SHROOM2: variants seen among roughly 807,000 people sequenced by gnomAD.
The protein encoded by SHROOM2 is protein Shroom2.
A neutral mutation model predicts 75.9 loss-of-function variants in SHROOM2; 33 were observed. That is an observed-to-expected ratio of 0.43 (90% CI 0.33 to 0.58). The LOEUF (loss-of-function observed/expected upper bound fraction) is 0.58, where lower values mean the gene tolerates loss of function less well. Ranked by LOEUF, SHROOM2 falls within the 20% of genes least tolerant of loss-of-function variation. The pLI is 0.04. For synonymous variants in SHROOM2, 655 were observed against 663.6 expected, an observed-to-expected ratio of 0.99 and a Z score of 0.20; for missense variants, 1,434 against 1,461.2, an observed-to-expected ratio of 0.98 and a Z score of 0.30.
chrX:9,857,898 A>G (rs985502153), intron 1 of SHROOM2, among the ~76,000 whole-genome samples: 7 of 110,834 alleles, frequency 6.3e-5, no homozygotes, highest in Admixed American at 2.9e-4. Context: ...CTGTCCCTTC[A>G]CCACAATGCC....
In SHROOM2 at chrX:9,932,247, C is replaced by A; in HGVS notation, c.2964C>A (p.Asn988Lys). The change falls in exon 6 of 10, where the codon AAC (asparagine) becomes AAA (lysine). Residue 988 changes from asparagine (N) to lysine (K), a missense_variant. By Grantham distance (94) the Asn-to-Lys change is moderately conservative. Transcript: ENST00000380913. ...QQHPPSQKAP[N>K]PPTFSELSHC... Reference sequence around the variant, plus strand: ...ACCCACCGAGTCAGAAGGCACCGAACCCACCCACATTCTCTGAACTATCTC... The same window carrying A: ...ACCCACCGAGTCAGAAGGCACCGAAACCACCCACATTCTCTGAACTATCTC... 8.5e-7 allele frequency: 1 copy of A among 1,180,722 alleles called. No individual in the cohort carries two copies. Among genetic ancestry groups the A allele is most frequent in the Non-Finnish European group, 1.1e-6 (1 of 878,158 alleles).
At chrX:9,881,533 C>T (rs183514001) in intron 2 of SHROOM2, among the ~76,000 whole-genome samples, 1 of 111,960 alleles carries the variant, frequency 8.9e-6, no homozygotes, top group East Asian at 2.8e-4. Context: ...ACCATAGTGA[C>T]CACATGTGCA....
At chrX:9,878,841 A>C (rs895614241) in intron 2 of SHROOM2, among the ~76,000 whole-genome samples, 1 of 109,680 alleles carries the variant, frequency 9.1e-6, no homozygotes, top group Non-Finnish European at 1.9e-5. Context: ...CGTCAGGTGA[A>C]ACCCATGCCT....
intron 1 of SHROOM2, among the ~76,000 whole-genome samples, chrX:9,827,223 C>CTTTTTTCT (rs1555924845): frequency 5.0e-5 from 3 of 60,132 alleles, no homozygotes; most frequent in Middle Eastern, 0.014. Flanking sequence ...TTTTCTTTTT[C>CTTTTTTCT]TTTTTTTTTT....
intron 1 of SHROOM2, among the ~76,000 whole-genome samples, chrX:9,793,110 G>T (rs368710682): frequency 7.2e-5 from 8 of 111,519 alleles, no homozygotes; most frequent in African/African-American, 2.6e-4. Context: ...ATATGCTACT[G>T]GTCATTTGGC....
chrX:9,833,644 GTGCA>G (rs1248926277), intron 1 of SHROOM2, among the ~76,000 whole-genome samples: 4 of 107,961 alleles, frequency 3.7e-5, no homozygotes, highest in African/African-American at 6.9e-5. Flanking sequence ...GTGTGTGTGT[GTGCA>G]TGCACGTGCA....
intron 3 of SHROOM2, among the ~76,000 whole-genome samples, chrX:9,893,868 C>A (rs761500030): frequency 3.0e-4 from 32 of 108,063 alleles, no homozygotes; most frequent in Non-Finnish European, 5.2e-4. Flanking sequence ...GCAGGAGAAT[C>A]GCTTGAACCC....
chrX:9,934,841 G>A lies in SHROOM2; in HGVS notation c.3587+1971G>A, dbSNP rs2084684806. ...ATTATTCCCTGTCGCCCAGGCTGGA[G>A]TGCAGTGGTGCGATCTTGACTTTTG... On this transcript the variant is annotated intron_variant, in intron 6 of 9. Coordinates refer to ENST00000380913, the MANE Select transcript of SHROOM2 (RefSeq NM_001649.4). 2.7e-5 allele frequency among the ~76,000 whole-genome samples: 3 copies of A among 111,355 alleles called. No individual in the cohort carries two copies. The South Asian group carries it at 1.1e-3, about 42-fold the overall frequency.
chrX:9,933,012 G>C, intron 6 of SHROOM2, 142 bp downstream of exon 6: 1 of 487,617 alleles, frequency 2.1e-6, no homozygotes, highest in African/African-American at 2.4e-5. Context: ...GGGAATAACT[G>C]TGTGGACAGA....
At chrX:9,882,304 A>G (rs1039078203) in intron 2 of SHROOM2, among the ~76,000 whole-genome samples, 1 of 108,419 alleles carries the variant, frequency 9.2e-6, no homozygotes, top group African/African-American at 3.5e-5. Context: ...ATATAAAACG[A>G]GTCATATTAA....
intron 1 of SHROOM2, among the ~76,000 whole-genome samples, chrX:9,792,640 A>AC (rs2083673225): frequency 9.1e-6 from 1 of 110,168 alleles, no homozygotes; most frequent in Non-Finnish European, 1.9e-5. Flanking sequence ...GTTGAGGTCA[A>AC]CAAGAACCCA....
intron 1 of SHROOM2, among the ~76,000 whole-genome samples, chrX:9,816,874 G>T (rs762719298): frequency 8.9e-6 from 1 of 111,940 alleles, no homozygotes; most frequent in Admixed American, 9.5e-5. Flanking sequence ...GCTATAGGGG[G>T]ATCCCTCAAC....
chrX:9,891,897 G>A (rs1004391801), intron 3 of SHROOM2, among the ~76,000 whole-genome samples: 1 of 109,105 alleles, frequency 9.2e-6, no homozygotes. Flanking sequence ...GTGTGTGCGC[G>A]TGCGTGCACA....
chrX:9,868,028 C>T (rs2084149966), intron 1 of SHROOM2, among the ~76,000 whole-genome samples: 1 of 109,495 alleles, frequency 9.1e-6, no homozygotes, highest in Non-Finnish European at 1.9e-5. Flanking sequence ...CACATTCCCA[C>T]CGAAAACCCC....
Position 9,896,089 on chromosome X carries a change from C to A in SHROOM2, c.2181C>A (p.Phe727Leu). 8.3e-7 allele frequency: 1 copy of A among 1,210,296 alleles called. No individual in the cohort carries two copies. Residue 727 changes from phenylalanine (F) to leucine (L), a missense_variant, in exon 4 of 10, where the codon TTC becomes TTA. Coordinates refer to ENST00000380913, the MANE Select transcript of SHROOM2 (RefSeq NM_001649.4). ...RMGDPDTVPH[F>L]WEAGLAQPPS... ...GGGATCCAGACACTGTCCCCCACTT[C>A]TGGGAGGCAGGCCTGGCCCAGCCAC...
At position 9,797,297 on chromosome X, in the gene SHROOM2, G is replaced by A. The variant is rs1043963918; in HGVS notation, c.165+10587G>A. ...TGGCCGCAGGGCAGAGTTCATCAGCGTGGATCCCTGAATGACTGCAGAGGT... is the reference window on the plus strand; with the variant it reads ...TGGCCGCAGGGCAGAGTTCATCAGCATGGATCCCTGAATGACTGCAGAGGT... On this transcript the variant is annotated intron_variant, in intron 1 of 9. Coordinates refer to ENST00000380913, the MANE Select transcript of SHROOM2 (RefSeq NM_001649.4). 3.6e-5 allele frequency among the ~76,000 whole-genome samples: 4 copies of A among 112,575 alleles called. No individual in the cohort carries two copies. The East Asian group carries it at 1.1e-3, about 32-fold the overall frequency.
rs773601238 is a variant in SHROOM2, at chrX:9,897,961, A to G, written c.2791-229A>G. ...TGTAATTTGTGACCAGCTGTATTTT[A>G]TTTTATTTCTTTTGGCCAATTGTGC... On this transcript the variant is annotated intron_variant, in intron 4 of 9. Transcript: ENST00000380913. 9.8e-5 allele frequency among the ~76,000 whole-genome samples: 11 copies of G among 112,347 alleles called. No individual in the cohort carries two copies. The South Asian group carries it at 4.0e-3, about 41-fold the overall frequency.
rs746708561 is a variant in SHROOM2, at chrX:9,827,700, A to C, written c.165+40990A>C. Among the ~76,000 whole-genome samples, 3 of 109,802 alleles carry C rather than the reference A, an allele frequency of 2.7e-5. No homozygotes were observed. In the South Asian group the frequency reaches 1.2e-3, roughly 44 times the overall value. ...AATGCACTCTCCTGCCTTGGGGAGC[A>C]GGGAGACCAATAGACCCAAGCAGTT... On this transcript the variant is annotated intron_variant, in intron 1 of 9. Transcript: ENST00000380913.
chrX:9,907,585 C>G (rs777455629), intron 5 of SHROOM2, among the ~76,000 whole-genome samples: 10 of 111,531 alleles, frequency 9.0e-5, no homozygotes, highest in African/African-American at 2.9e-4. Context: ...CACTTGGAAA[C>G]AAGTTCCTGG....
Sources: allele counts gnomAD v4.1 joint callset (sites outside exome capture counted in the v4.1 genomes callset), GRCh38; gene constraint gnomAD v4.1.1; transcripts MANE v1.5; gene names NCBI Gene and HGNC (gene_info 2026-07-23, HGNC 2026-07-21).